The following PDS5A variants were observed in gnomAD, a reference collection of about 807,000 sequenced individuals.
PDS5A encodes the protein sister chromatid cohesion protein PDS5 homolog A.
PDS5A carries 42 observed loss-of-function variants against 167.1 expected under a neutral mutation model. The observed-to-expected ratio is 0.25, with a 90% confidence interval of 0.20 to 0.33. The LOEUF is 0.33. Among genes scored for constraint, PDS5A ranks in the 10% least tolerant of loss-of-function variants. PDS5A has a pLI of 1.00. For synonymous variants in PDS5A, 553 were observed against 554.6 expected (o/e 1.00, Z 0.04); for missense variants, 1,033 against 1,605.9 (o/e 0.64, Z 6.10).
intron 2 of PDS5A, among the ~76,000 whole-genome samples, chr4:39,937,506 C>G (rs1267113774): frequency 6.6e-6 from 1 of 152,148 alleles, no homozygotes; most frequent in Non-Finnish European, 1.5e-5. Context: ...CTCAACCTCC[C>G]TGGCTCAAGT....
At chr4:39,899,590 T>G (rs778469821) in intron 14 of PDS5A, among the ~76,000 whole-genome samples, 15 of 152,156 alleles carry the variant, frequency 9.9e-5, no homozygotes, top group Non-Finnish European at 5.9e-5. Context: ...CTCACACCTG[T>G]AATCCTAGCA....
intron 27 of PDS5A, among the ~76,000 whole-genome samples, 162 bp downstream of exon 27, chr4:39,849,358 C>A (rs546604990): frequency 6.8e-6 from 1 of 147,516 alleles, no homozygotes; most frequent in South Asian, 2.2e-4. Context: ...AAATAAAATT[C>A]ACTTGTAATG....
chr4:39,913,241 C>A (rs1169532710), intron 9 of PDS5A, among the ~76,000 whole-genome samples: 2 of 151,990 alleles, frequency 1.3e-5, no homozygotes, highest in African/African-American at 4.8e-5. Flanking sequence ...CCGGTCACCA[C>A]CCCTGGTTAA....
At chr4:39,844,166 T>TA (rs1717347910) in intron 30 of PDS5A, among the ~76,000 whole-genome samples, 1 of 150,918 alleles carries the variant, frequency 6.6e-6, no homozygotes, top group Non-Finnish European at 1.5e-5. Context: ...AAAAATTACA[T>TA]AAAATTAAGA....
intron 8 of PDS5A, among the ~76,000 whole-genome samples, chr4:39,913,999 C>A (rs1381776336): frequency 1.3e-5 from 2 of 152,002 alleles, no homozygotes; most frequent in Non-Finnish European, 2.9e-5. Context: ...GGACACTGTA[C>A]AAATATGAGA....
chr4:39,853,881 C>T, intron 26 of PDS5A, among the ~76,000 whole-genome samples: 1 of 152,244 alleles, frequency 6.6e-6, no homozygotes, highest in Non-Finnish European at 1.5e-5. Context: ...TCAGTGAGTG[C>T]TTTGTTGCTA....
intron 32 of PDS5A, among the ~76,000 whole-genome samples, chr4:39,832,589 T>A (rs548350581): frequency 1.3e-5 from 2 of 152,050 alleles, no homozygotes; most frequent in African/African-American, 4.8e-5. Context: ...CTGAAAATAT[T>A]TGAGAAGTTT....
At chr4:39,860,378 T>G (rs572524187) in intron 26 of PDS5A, among the ~76,000 whole-genome samples, 2 of 151,502 alleles carry the variant, frequency 1.3e-5, no homozygotes, top group African/African-American at 4.9e-5. Flanking sequence ...GGCATGAGAA[T>G]AGCTTTAAGT....
intron 18 of PDS5A, among the ~76,000 whole-genome samples, chr4:39,878,580 G>A (rs1218988325): frequency 2.0e-5 from 3 of 151,860 alleles, no homozygotes; most frequent in Non-Finnish European, 4.4e-5. Flanking sequence ...CTGGGCAACA[G>A]AGCAAGACTC....
At chr4:39,839,901 C>T (rs374667957) in intron 31 of PDS5A, among the ~76,000 whole-genome samples, 3 of 151,926 alleles carry the variant, frequency 2.0e-5, no homozygotes, top group African/African-American at 7.3e-5. Flanking sequence ...CAAGACCAGC[C>T]TGGCCAACAT....
chr4:39,864,904 C>A (rs1304124675), intron 23 of PDS5A, among the ~76,000 whole-genome samples: 1 of 152,122 alleles, frequency 6.6e-6, no homozygotes, highest in Non-Finnish European at 1.5e-5. Context: ...GTTAACCATT[C>A]CCCTATTTTT....
intron 29 of PDS5A, 54 bp from the exon 30 acceptor site, chr4:39,844,855 T>A: frequency 1.3e-6 from 2 of 1,503,482 alleles, no homozygotes; most frequent in Non-Finnish European, 1.8e-6. Context: ...TACCTTACCA[T>A]GTATACATGT....
Position 39,972,420 on chromosome 4 carries a change from T to C in PDS5A, c.138+4020A>G, listed in dbSNP as rs1475598464. The stretch of plus-strand genomic sequence containing the variant: ...CTCTAATCCCAGCTACTTGGGAGGC[T>C]GGGGCAGGAGAATCGCTTGAACCCG... On this transcript the variant is annotated intron_variant, in intron 2 of 32. Transcript: ENST00000303538. Among the ~76,000 whole-genome samples, 3 of 152,108 alleles carry C rather than the reference T, an allele frequency of 2.0e-5. No homozygotes were observed. The East Asian group carries it at 5.8e-4, about 29-fold the overall frequency.
intron 7 of PDS5A, among the ~76,000 whole-genome samples, chr4:39,918,739 G>T (rs28513679): frequency 0.049 from 7,421 of 152,132 alleles, 282 homozygotes; most frequent in East Asian, 0.22. Flanking sequence ...CTGCAGTACA[G>T]CCACTAAGGA....
At chr4:39,889,142 TG>T (rs1228343942) in intron 17 of PDS5A, among the ~76,000 whole-genome samples, 1 of 152,146 alleles carries the variant, frequency 6.6e-6, no homozygotes, top group Non-Finnish European at 1.5e-5. Flanking sequence ...TAAGATTGAA[TG>T]GGTGGGGCCT....
At chr4:39,874,998 A>G (rs1720344919) in intron 19 of PDS5A, among the ~76,000 whole-genome samples, 1 of 152,206 alleles carries the variant, frequency 6.6e-6, no homozygotes, top group African/African-American at 2.4e-5. Flanking sequence ...GAAGACTATC[A>G]TAGTCATTAC....
Position 39,908,843 on chromosome 4 carries a change from A to G in PDS5A, c.1088-303T>C, listed in dbSNP as rs1723619946. 5 of 249,316 alleles carry G rather than the reference A, an allele frequency of 2.0e-5. No individual in the cohort carries two copies. The Admixed American group carries it at 2.1e-4, about 10-fold the overall frequency. The allele number at this position is 249,316 out of a possible 1,614,324, so 15.4% of individuals were successfully genotyped here. A position where few individuals can be genotyped will look rare whatever the true frequency, so the allele number is the denominator to read the frequency against. On this transcript the variant is annotated intron_variant, in intron 10 of 32. Transcript: ENST00000303538. ...AAGAGTTCATACCAGCTTAGGCAAC[A>G]TGGCAAAACCCCGTCTCTACGAAAA...
chr4:39,908,664 C>T (rs1723604912), intron 10 of PDS5A, 124 bp from the exon 11 acceptor site: 7 of 637,126 alleles, frequency 1.1e-5, no homozygotes, highest in African/African-American at 1.8e-5. Flanking sequence ...TAAAATATGG[C>T]ATGAAATTAA....
chr4:39,967,272 T>C (rs368664951), intron 2 of PDS5A, among the ~76,000 whole-genome samples: 1 of 152,050 alleles, frequency 6.6e-6, no homozygotes, highest in Admixed American at 6.6e-5. Context: ...GCCACTGTAC[T>C]CTAGCCTGGG....
Sources: gnomAD v4.1 joint callset for allele counts (sites outside exome capture counted in the v4.1 genomes callset) on GRCh38, gnomAD v4.1.1 for gene constraint, MANE v1.5 for transcripts, NCBI Gene and HGNC (gene_info 2026-07-23, HGNC 2026-07-21) for gene names.